The following GPR180 variants were observed in gnomAD, a reference collection of about 807,000 sequenced individuals.
The protein encoded by GPR180 is G protein-coupled receptor 180, also known as integral membrane protein GPR180.
In GPR180, 53 loss-of-function variants were observed where a neutral mutation model predicts 52.6. The observed-to-expected ratio is 1.01, with a 90% CI of 0.81 to 1.27. The LOEUF is 1.27. Ranked by LOEUF, GPR180 falls within the 50% of genes most tolerant of loss-of-function variation. GPR180 has a pLI of 0.00. For missense variants in GPR180, 533 were observed against 527.0 expected (o/e 1.01, Z -0.11); for synonymous variants, 200 against 193.1 (o/e 1.04, Z -0.30).
chr13:94,631,360 A>G lies in GPR180; in HGVS notation c.*4189A>G, dbSNP rs775126840. The stretch of plus-strand genomic sequence containing the variant: ...AGAAACCGCCTCCTATAATCCCTAT[A>G]ATAAGCCCCTTATTTTGAATATTAA... On this transcript the variant is annotated 3_prime_UTR_variant, in exon 9 of 9. Transcript: ENST00000376958. 1.3e-5 allele frequency: 2 copies of G among 151,944 alleles called. No homozygotes were observed. The highest frequency in any genetic ancestry group is 2.1e-4 in the South Asian group (1 of 4,812). The allele number at this position is 151,944 out of a possible 1,614,324, so 9.4% of individuals were successfully genotyped here. A position where few individuals can be genotyped will look rare whatever the true frequency, so the allele number is the denominator to read the frequency against.
chr13:94,617,178 C>T (rs1386567358), intron 3 of GPR180, among the ~76,000 whole-genome samples: 1 of 151,946 alleles, frequency 6.6e-6, no homozygotes, highest in Non-Finnish European at 1.5e-5. Flanking sequence ...AGAGTTGTAA[C>T]TTCATGGAGT....
At chr13:94,606,712 C>CT (rs1889637099) in intron 2 of GPR180, among the ~76,000 whole-genome samples, 1 of 152,184 alleles carries the variant, frequency 6.6e-6, no homozygotes, top group African/African-American at 2.4e-5. Flanking sequence ...TATCAGCTGT[C>CT]TGATTCCCTC....
rs1445740797 is a variant in GPR180 at position 94,630,944 on chromosome 13, C to T, written c.*3773C>T. The T allele has an allele frequency of 1.3e-5, 2 of 152,252 alleles. No individual in the cohort carries two copies. The highest frequency in any genetic ancestry group is 3.8e-4 in the East Asian group (2 of 5,198). 9.4% of individuals were successfully genotyped at this position (152,252 alleles called of 1,614,324 possible). A position where few individuals can be genotyped will look rare whatever the true frequency, so the allele number is the denominator to read the frequency against. On this transcript the variant is annotated 3_prime_UTR_variant, in exon 9 of 9. Coordinates refer to ENST00000376958, the MANE Select transcript of GPR180 (RefSeq NM_180989.6). ...TAGAAGGCAGAAGTAAAGTAGCAGC[C>T]AGATCTGCATTCTTTTTGTAAGAGG...
chr13:94,610,376 A>G (rs1470270836), intron 2 of GPR180, among the ~76,000 whole-genome samples: 1 of 152,328 alleles, frequency 6.6e-6, no homozygotes, highest in South Asian at 2.1e-4. Context: ...GGTGCAATCT[A>G]GAGTTGGGAA....
intron 1 of GPR180, among the ~76,000 whole-genome samples, chr13:94,603,836 A>G (rs985878728): frequency 7.9e-5 from 12 of 152,336 alleles, no homozygotes; most frequent in Middle Eastern, 3.4e-3. Context: ...CCTAGAGGCA[A>G]TAACTTACTG....
At position 94,602,054 on chromosome 13, in the gene GPR180, G is replaced by T; in HGVS notation, c.127G>T (p.Gly43Cys). 1 of 1,411,114 alleles carries T rather than the reference G, an allele frequency of 7.1e-7. No homozygotes were observed. The highest frequency in any genetic ancestry group is 9.3e-7 in the Non-Finnish European group (1 of 1,078,098). The allele number at this position is 1,411,114 out of a possible 1,614,324, so 87.4% of individuals were successfully genotyped here. The change falls in exon 1 of 9, where the codon GGC becomes TGC. Residue 43 changes from glycine (G) to cysteine (C), a missense_variant. Physicochemically the swap from Gly to Cys is radical, Grantham distance 159. Coordinates refer to ENST00000376958, the MANE Select transcript of GPR180 (RefSeq NM_180989.6). Reference sequence around the variant, plus strand: ...CCAGGACGCCCAGGGCCAGCGCATCGGCCACTTCGAGTTCCATGGTAGGTC... The same window carrying T: ...CCAGGACGCCCAGGGCCAGCGCATCTGCCACTTCGAGTTCCATGGTAGGTC... ...AAQDAQGQRI[G>C]HFEFHGDHAL...
intron 8 of GPR180, 25 bp from the exon 9 acceptor site, chr13:94,626,988 A>G (rs759417859): frequency 1.3e-6 from 2 of 1,543,354 alleles, no homozygotes; most frequent in Non-Finnish European, 1.8e-6. Context: ...ATGTAGTAAA[A>G]GCATTCCTTT....
chr13:94,605,729 G>GT (rs1889621646), intron 2 of GPR180, among the ~76,000 whole-genome samples, 180 bp downstream of exon 2: 1 of 151,136 alleles, frequency 6.6e-6, no homozygotes, highest in African/African-American at 2.4e-5. Flanking sequence ...ATCATTCATC[G>GT]TTTTTGAAAA....
At chr13:94,623,340 A>G (rs1223054473) in intron 7 of GPR180, 40 bp downstream of exon 7, 6 of 1,489,732 alleles carry the variant, frequency 4.0e-6, no homozygotes, top group Non-Finnish European at 5.5e-6. Flanking sequence ...CTGATTATCC[A>G]CTTGGTTCTG....
intron 3 of GPR180, among the ~76,000 whole-genome samples, chr13:94,617,092 C>A (rs1473964534): frequency 6.6e-6 from 1 of 152,130 alleles, no homozygotes; most frequent in Non-Finnish European, 1.5e-5. Context: ...TGACATATAT[C>A]TTATTTTCCA....
Position 94,628,803 on chromosome 13 carries a change from G to T in GPR180, c.*1632G>T, listed in dbSNP as rs1381560912. On this transcript the variant is annotated 3_prime_UTR_variant, in exon 9 of 9. Coordinates refer to ENST00000376958, the MANE Select transcript of GPR180 (RefSeq NM_180989.6). ...ATAACCTTTTCTTTTATCATGTCTC[G>T]CTAATAACCCCAGCTATTGTCTGTT... 6.6e-6 allele frequency: 1 copy of T among 151,948 alleles called. No homozygotes were observed. The highest frequency in any genetic ancestry group is 1.5e-5 in the Non-Finnish European group (1 of 67,894). 9.4% of individuals were successfully genotyped at this position (151,948 alleles called of 1,614,324 possible). A position where few individuals can be genotyped will look rare whatever the true frequency, so the allele number is the denominator to read the frequency against.
At chr13:94,608,694 A>G (rs570130947) in intron 2 of GPR180, among the ~76,000 whole-genome samples, 9 of 152,306 alleles carry the variant, frequency 5.9e-5, no homozygotes, top group African/African-American at 2.2e-4. Flanking sequence ...CATATTTAAG[A>G]ATAGTTCCTT....
At position 94,602,037 on chromosome 13, in the gene GPR180, C is replaced by A; in HGVS notation, c.110C>A (p.Ala37Asp). 1 of 1,447,642 alleles carries A rather than the reference C, an allele frequency of 6.9e-7. No homozygotes were observed. The allele number at this position is 1,447,642 out of a possible 1,614,324, so 89.7% of individuals were successfully genotyped here. The change falls in exon 1 of 9, where the codon GCC becomes GAC. Residue 37 changes from alanine to aspartate, a missense_variant. Physicochemically the swap from Ala to Asp is moderately radical, Grantham distance 126 (BLOSUM62 -2). Coordinates refer to ENST00000376958, the MANE Select transcript of GPR180 (RefSeq NM_180989.6). The stretch of plus-strand genomic sequence containing the variant: ...TTCAGCAGCACCGCGGCCCAGGACG[C>A]CCAGGGCCAGCGCATCGGCCACTTC... ...GSFSSTAAQD[A>D]QGQRIGHFEF... is the part of the protein sequence containing the mutation.
intron 5 of GPR180, among the ~76,000 whole-genome samples, chr13:94,620,051 C>T (rs1216856315): frequency 1.3e-5 from 2 of 152,154 alleles, no homozygotes; most frequent in Middle Eastern, 3.2e-3. Context: ...TATTTATATA[C>T]ATTCTCTCAT....
In GPR180 at chr13:94,623,228, C is replaced by T. The variant is rs1283364366; in HGVS notation, c.1014C>T (p.Gly338=). 24 of 1,613,836 alleles carry T rather than the reference C, an allele frequency of 1.5e-5. No individual in the cohort carries two copies. The highest frequency in any genetic ancestry group is 1.9e-5 in the Non-Finnish European group (23 of 1,179,876). The change falls in exon 7 of 9, where the codon GGC becomes GGT. Residue 338 remains glycine (G), a synonymous_variant. Transcript: ENST00000376958. ...VLRICLALSL[G]CGLYQIITVE... ...GAATTTGCCTAGCATTGTCATTAGG[C>T]TGTGGACTCTATCAGATCATCACAG...
rs896060847 is a variant in GPR180, at chr13:94,633,435, GATAA to G, written c.*6269_*6272del. ...CATGGATTGTACTAGATATCAATCT[GATAA>G]ATAACTTTTATTCATTATAGTTTTA... is the stretch of plus-strand genomic sequence containing the variant. On this transcript the variant is annotated 3_prime_UTR_variant, in exon 9 of 9. Coordinates refer to ENST00000376958, the MANE Select transcript of GPR180 (RefSeq NM_180989.6). 2 of 152,094 alleles carry G rather than the reference GATAA, an allele frequency of 1.3e-5. No homozygotes were observed. Among genetic ancestry groups the G allele is most frequent in the African/African-American group, 2.4e-5 (1 of 41,434 alleles). 9.4% of individuals were successfully genotyped at this position (152,094 alleles called of 1,614,324 possible).
chr13:94,606,366 G>C (rs1383961132), intron 2 of GPR180, among the ~76,000 whole-genome samples: 2 of 152,212 alleles, frequency 1.3e-5, no homozygotes, highest in Non-Finnish European at 2.9e-5. Flanking sequence ...TAGAGAGGCT[G>C]TACTTTTTAA....
Position 94,612,343 on chromosome 13 carries a change from C to T in GPR180, c.458C>T (p.Pro153Leu), listed in dbSNP as rs764866676. The change falls in exon 3 of 9, where the codon CCA becomes CTA. Residue 153 changes from proline (P) to leucine (L), a missense_variant. By Grantham distance (98) the Pro-to-Leu change is moderately conservative. Coordinates refer to ENST00000376958, the MANE Select transcript of GPR180 (RefSeq NM_180989.6). ...DIPFEMVLLNPDAEGNPFDHF... is the reference protein window; with the variant it reads ...DIPFEMVLLNLDAEGNPFDHF... ...CCATTTGAAATGGTGTTACTAAACC[C>T]AGATGCCGAAGGGAATCCATTTGAT... The T allele has an allele frequency of 6.2e-7, 1 of 1,613,664 alleles. No homozygotes were observed. The highest frequency in any genetic ancestry group is 1.1e-5 in the South Asian group (1 of 91,070).
chr13:94,621,007 C>T (rs1889844630), intron 5 of GPR180, 71 bp from the exon 6 acceptor site: 11 of 1,292,852 alleles, frequency 8.5e-6, no homozygotes, highest in Admixed American at 5.5e-5. Flanking sequence ...AAAAGATGTT[C>T]TCAATGCAAA....
Sources: allele counts gnomAD v4.1 joint callset (sites outside exome capture counted in the v4.1 genomes callset), GRCh38; gene constraint gnomAD v4.1.1; transcripts MANE v1.5; gene names NCBI Gene and HGNC (gene_info 2026-07-23, HGNC 2026-07-21).